SLC2A13: variants seen among roughly 807,000 people sequenced by gnomAD.
SLC2A13 encodes solute carrier family 2 member 13.
Under a neutral mutation model 64.4 loss-of-function variants are expected in SLC2A13, and 32 were observed. That is an observed-to-expected ratio of 0.50 (90% CI 0.37 to 0.67). SLC2A13 has a LOEUF of 0.67. SLC2A13 is among the 30% of genes least tolerant of loss of function. SLC2A13 has a pLI of 0.00. For synonymous variants in SLC2A13, 338 were observed against 327.1 expected, an observed-to-expected ratio of 1.03 and a Z score of -0.36; for missense variants, 743 against 829.2, an observed-to-expected ratio of 0.90 and a Z score of 1.28.
At chr12:39,796,433 A>C (rs892559113) in intron 7 of SLC2A13, among the ~76,000 whole-genome samples, 1 of 151,764 alleles carries the variant, frequency 6.6e-6, no homozygotes, top group Non-Finnish European at 1.5e-5. Context: ...AAAAAAAAAA[A>C]AAAAAAAAAA....
intron 3 of SLC2A13, among the ~76,000 whole-genome samples, chr12:40,013,725 G>A (rs566328645): frequency 6.6e-6 from 1 of 152,302 alleles, no homozygotes; most frequent in Admixed American, 6.5e-5. Context: ...ATGTACAAAA[G>A]ATGAGAAATC....
At chr12:40,044,925 TAAG>T (rs1452451121) in intron 2 of SLC2A13, among the ~76,000 whole-genome samples, 3 of 152,282 alleles carry the variant, frequency 2.0e-5, no homozygotes, top group East Asian at 3.9e-4. Context: ...AGCTTTTGAA[TAAG>T]AAGATTTGAA....
chr12:39,838,658 A>C (rs1187002399), intron 6 of SLC2A13, among the ~76,000 whole-genome samples: 1 of 152,114 alleles, frequency 6.6e-6, no homozygotes, highest in Non-Finnish European at 1.5e-5. Flanking sequence ...TTAGTGTCTA[A>C]GGAAGAGAAA....
At chr12:39,775,392 G>A (rs1227957491) in intron 7 of SLC2A13, among the ~76,000 whole-genome samples, 14 of 152,186 alleles carry the variant, frequency 9.2e-5, no homozygotes, top group Admixed American at 8.5e-4. Flanking sequence ...ATGTGGATGT[G>A]GCCTACTTCT....
chr12:39,963,336 C>T (rs1946451014), intron 3 of SLC2A13, among the ~76,000 whole-genome samples: 1 of 151,460 alleles, frequency 6.6e-6, no homozygotes, highest in Admixed American at 6.6e-5. Context: ...TTTTCCTTCT[C>T]TGTAATCAAA....
At chr12:39,843,935 T>C (rs1943241969) in intron 6 of SLC2A13, among the ~76,000 whole-genome samples, 1 of 152,044 alleles carries the variant, frequency 6.6e-6, no homozygotes, top group Non-Finnish European at 1.5e-5. Context: ...GTATGCTTTT[T>C]TCCCCCCAAA....
chr12:39,946,524 C>T (rs771406438), intron 4 of SLC2A13, among the ~76,000 whole-genome samples: 2 of 152,236 alleles, frequency 1.3e-5, no homozygotes, highest in South Asian at 2.1e-4. Flanking sequence ...TCTCCTTGGG[C>T]GGGTCTTGCT....
intron 4 of SLC2A13, among the ~76,000 whole-genome samples, chr12:39,888,129 T>C (rs920617453): frequency 6.6e-6 from 1 of 152,230 alleles, no homozygotes; most frequent in Non-Finnish European, 1.5e-5. Flanking sequence ...CAGTGCCATC[T>C]GGGCAGGCTG....
chr12:39,757,102 A>G lies in SLC2A13; in HGVS notation c.*2924T>C, dbSNP rs901155018. 3 of 151,842 alleles carry G rather than the reference A, an allele frequency of 2.0e-5. No individual in the cohort carries two copies. The highest frequency in any genetic ancestry group is 4.8e-5 in the African/African-American group (2 of 41,396). The allele number at this position is 151,842 out of a possible 1,614,324, so 9.4% of individuals were successfully genotyped here. A position where few individuals can be genotyped will look rare whatever the true frequency, so the allele number is the denominator to read the frequency against. ...TAACGGCAAACCCTTTTGACATCAC[A>G]TTCAGCCCTATGTGTTTATATGCAG... On this transcript the variant is annotated 3_prime_UTR_variant, in exon 10 of 10. Transcript: ENST00000280871.
chr12:39,939,207 G>A (rs189544953), intron 4 of SLC2A13, among the ~76,000 whole-genome samples: 82 of 151,806 alleles, frequency 5.4e-4, no homozygotes, highest in African/African-American at 1.7e-3. Context: ...TCTTGATATC[G>A]TCCCCAAAAT....
chr12:39,870,092 T>C (rs1243900074), intron 5 of SLC2A13, among the ~76,000 whole-genome samples: 2 of 152,174 alleles, frequency 1.3e-5, no homozygotes, highest in South Asian at 2.1e-4. Context: ...TTTACTGGAA[T>C]ACCAAATGAA....
chr12:40,067,326 TGAGTA>T (rs1299330871), intron 1 of SLC2A13, among the ~76,000 whole-genome samples: 5 of 151,996 alleles, frequency 3.3e-5, no homozygotes, highest in South Asian at 2.1e-4. Flanking sequence ...CTCAGCCTCC[TGAGTA>T]GATAGGGCTA....
At chr12:39,836,617 AG>A (rs1419374337) in intron 6 of SLC2A13, among the ~76,000 whole-genome samples, 1 of 147,590 alleles carries the variant, frequency 6.8e-6, no homozygotes, top group Non-Finnish European at 1.5e-5. Context: ...AATCTCCTTA[AG>A]CTGATAAGCA....
chr12:39,774,191 C>T (rs1178751787), intron 7 of SLC2A13, among the ~76,000 whole-genome samples: 2 of 152,116 alleles, frequency 1.3e-5, no homozygotes, highest in African/African-American at 2.4e-5. Flanking sequence ...AGTATCTCTC[C>T]AGGATAGGAC....
chr12:39,976,369 G>C (rs911263483), intron 3 of SLC2A13, among the ~76,000 whole-genome samples: 1 of 152,188 alleles, frequency 6.6e-6, no homozygotes, highest in Non-Finnish European at 1.5e-5. Flanking sequence ...TACCAAAGTA[G>C]ACAATGATAA....
At chr12:39,858,891 G>A (rs532689751) in intron 6 of SLC2A13, among the ~76,000 whole-genome samples, 7 of 152,020 alleles carry the variant, frequency 4.6e-5, no homozygotes, top group African/African-American at 1.7e-4. Context: ...CAGGTGTGAC[G>A]CACCGTGCCC....
intron 1 of SLC2A13, among the ~76,000 whole-genome samples, chr12:40,069,490 TG>T (rs1219359175): frequency 4.6e-5 from 7 of 152,118 alleles, no homozygotes; most frequent in Non-Finnish European, 1.0e-4. Flanking sequence ...AAAAGTCTCC[TG>T]AACTATGGTC....
chr12:40,042,559 A>G (rs1948106217), intron 2 of SLC2A13, among the ~76,000 whole-genome samples: 1 of 152,182 alleles, frequency 6.6e-6, no homozygotes, highest in South Asian at 2.1e-4. Flanking sequence ...AAGTATATAT[A>G]TCCCTCTGTA....
At chr12:39,961,110 G>A (rs1212995012) in intron 3 of SLC2A13, among the ~76,000 whole-genome samples, 5 of 141,748 alleles carry the variant, frequency 3.5e-5, no homozygotes, top group African/African-American at 1.1e-4. Context: ...ACGGAGTCTC[G>A]CTCTGTCATC....
Sources: allele counts gnomAD v4.1 joint callset (sites outside exome capture counted in the v4.1 genomes callset), GRCh38; gene constraint gnomAD v4.1.1; transcripts MANE v1.5; gene names NCBI Gene and HGNC (gene_info 2026-07-23, HGNC 2026-07-21).